ANAPC7: variants seen among roughly 807,000 people sequenced by gnomAD.
ANAPC7 encodes anaphase promoting complex subunit 7, also known as anaphase-promoting complex subunit 7.
A neutral mutation model predicts 63.3 loss-of-function variants in ANAPC7; 25 were observed. That is an observed-to-expected ratio of 0.39 (90% confidence interval 0.29 to 0.55). The LOEUF is 0.55. Among genes scored for constraint, ANAPC7 ranks in the 20% least tolerant of loss-of-function variants. The pLI is 0.57. For missense variants in ANAPC7, 516 were observed against 691.7 expected (o/e 0.75, Z 2.85); for synonymous variants, 241 against 251.7 (o/e 0.96, Z 0.40).
intron 3 of ANAPC7, among the ~76,000 whole-genome samples, chr12:110,394,669 C>CAA (rs779142936): frequency 0.099 from 4,227 of 42,744 alleles, 659 homozygotes; most frequent in Middle Eastern, 0.11. Flanking sequence ...AATTCCACCT[C>CAA]AAAAAAAAAA....
At chr12:110,398,553 G>A (rs990725613) in intron 1 of ANAPC7, among the ~76,000 whole-genome samples, 9 of 152,188 alleles carry the variant, frequency 5.9e-5, no homozygotes, top group Middle Eastern at 3.2e-3. Flanking sequence ...AATTATAACT[G>A]CCTAGAAGTT....
chr12:110,388,657 G>T, intron 3 of ANAPC7, 34 bp from the exon 4 acceptor site: 1 of 1,454,934 alleles, frequency 6.9e-7, no homozygotes, highest in Non-Finnish European at 9.6e-7. Flanking sequence ...AGCAAAATAA[G>T]CGTATATTGC....
In ANAPC7 at chr12:110,381,953, A is replaced by AC; in HGVS notation, c.936-6_936-5insG. The AC allele has an allele frequency of 6.7e-6, 4 of 599,082 alleles. No individual in the cohort carries two copies. Among genetic ancestry groups the AC allele is most frequent in the Non-Finnish European group, 9.6e-6 (4 of 417,260 alleles). 37.1% of individuals were successfully genotyped at this position (599,082 alleles called of 1,614,324 possible). Reference sequence around the variant, plus strand: ...TTGCTATAGAAGCTGTGACAGCTGGAGAAAAAAAAAAAAAAAAAAACACAA... The same window carrying AC: ...TTGCTATAGAAGCTGTGACAGCTGGACGAAAAAAAAAAAAAAAAAAACACAA... On this transcript the variant is annotated splice_polypyrimidine_tract_variant and splice_region_variant and intron_variant, in intron 7 of 10. Transcript: ENST00000455511.
At chr12:110,394,303 C>A (rs1883367084) in intron 3 of ANAPC7, among the ~76,000 whole-genome samples, 2 of 151,848 alleles carry the variant, frequency 1.3e-5, no homozygotes, top group African/African-American at 4.8e-5. Context: ...CCAACCTGGG[C>A]AACACAGTGG....
intron 8 of ANAPC7, among the ~76,000 whole-genome samples, chr12:110,381,528 G>A (rs1881845654): frequency 6.6e-6 from 1 of 151,980 alleles, no homozygotes; most frequent in African/African-American, 2.4e-5. Context: ...GTAGAGACGG[G>A]GTTTCACCAC....
At chr12:110,377,320 A>C in intron 9 of ANAPC7, 73 bp downstream of exon 9, 1 of 1,323,624 alleles carries the variant, frequency 7.6e-7, no homozygotes, top group South Asian at 1.3e-5. Flanking sequence ...ACTAGCTGGG[A>C]CAAGGGGCTC....
At chr12:110,396,684 T>TG (rs1555292381) in intron 1 of ANAPC7, among the ~76,000 whole-genome samples, 1 of 14,654 alleles carries the variant, frequency 6.8e-5, no homozygotes, top group Admixed American at 5.9e-4. Context: ...CTAATTTTTG[T>TG]TTTTTTTTTT....
At position 110,383,774 on chromosome 12, in the gene ANAPC7, G is replaced by C. The variant is rs533630733; in HGVS notation, c.818-814C>G. Among the ~76,000 whole-genome samples, 111 of 150,650 alleles carry C rather than the reference G, an allele frequency of 7.4e-4. 1 individual carries two copies. Among genetic ancestry groups the C allele is most frequent in the Admixed American group, 7.1e-3 (106 of 14,958 alleles). Reference sequence around the variant, plus strand: ...GCCTGTAATCCCAGCTACTCAGGAGGCTGAGGCAGGAGAATCGCTTGAATC... The same window carrying C: ...GCCTGTAATCCCAGCTACTCAGGAGCCTGAGGCAGGAGAATCGCTTGAATC... On this transcript the variant is annotated intron_variant, in intron 6 of 10. Coordinates refer to ENST00000455511, the MANE Select transcript of ANAPC7 (RefSeq NM_016238.3).
At position 110,383,875 on chromosome 12, in the gene ANAPC7, C is replaced by CAAAAAAAAAAAAAAAAAAAAAA. The variant is rs1159374781; in HGVS notation, c.818-937_818-916dup. ...TTGGCTACAGAGCGAGACTCCGTCT[C>CAAAAAAAAAAAAAAAAAAAAAA]AAAAAAAAAAAAAAAAAAAAAAAGA... On this transcript the variant is annotated intron_variant, in intron 6 of 10. Transcript: ENST00000455511. Among the ~76,000 whole-genome samples, 120 of 50,512 alleles carry CAAAAAAAAAAAAAAAAAAAAAA rather than the reference C, an allele frequency of 2.4e-3. 1 individual carries two copies. The highest frequency in any genetic ancestry group is 2.8e-3 in the Admixed American group (9 of 3,226). The allele number at this position is 50,512 out of a possible 152,430, so 33.1% of individuals were successfully genotyped here. A position where few individuals can be genotyped will look rare whatever the true frequency, so the allele number is the denominator to read the frequency against.
intron 3 of ANAPC7, 103 bp downstream of exon 3, chr12:110,394,998 T>C: frequency 7.4e-7 from 1 of 1,350,584 alleles, no homozygotes; most frequent in Non-Finnish European, 1.0e-6. Flanking sequence ...ATTAGAATCA[T>C]GGGTAAAATG....
intron 7 of ANAPC7, among the ~76,000 whole-genome samples, chr12:110,382,267 C>T (rs915670324): frequency 6.6e-6 from 1 of 150,672 alleles, no homozygotes; most frequent in African/African-American, 2.4e-5. Context: ...CATCTTCTGG[C>T]CCCATCACTG....
Position 110,376,180 on chromosome 12 carries a change from A to G in ANAPC7, c.1394T>C (p.Leu465Pro), listed in dbSNP as rs779616373. 1 of 1,614,210 alleles carries G rather than the reference A, an allele frequency of 6.2e-7. No homozygotes were observed. Among genetic ancestry groups the G allele is most frequent in the East Asian group, 2.2e-5 (1 of 44,888 alleles). ...ACTCTGATTAGCCAGTGCGTTCCTC[A>G]GCAAAGCAATTCCATCTTCATATTT... is the stretch of plus-strand genomic sequence containing the variant. ...EQKYEDGIAL[L>P]RNALANQSDC... The change falls in exon 10 of 11, where the codon CTG becomes CCG. Residue 465 changes from leucine (L) to proline (P), a missense_variant. Coordinates refer to ENST00000455511, the MANE Select transcript of ANAPC7 (RefSeq NM_016238.3).
In ANAPC7 at chr12:110,377,749, G is replaced by A; in HGVS notation, c.1133-132C>T. On this transcript the variant is annotated intron_variant, in intron 8 of 10. Transcript: ENST00000455511. ...GGGCAGGCCACGGGAAACTGATGGT[G>A]AGATTAGACTGGCAAGAGTGTTGAT... is the stretch of plus-strand genomic sequence containing the variant. 3 of 1,501,990 alleles carry A rather than the reference G, an allele frequency of 2.0e-6. No individual in the cohort carries two copies. In the Admixed American group the frequency reaches 6.4e-5, roughly 32 times the overall value. 93.0% of individuals were successfully genotyped at this position (1,501,990 alleles called of 1,614,324 possible). A position where few individuals can be genotyped will look rare whatever the true frequency, so the allele number is the denominator to read the frequency against.
intron 1 of ANAPC7, among the ~76,000 whole-genome samples, chr12:110,398,747 C>T (rs1265035046): frequency 6.6e-5 from 10 of 152,038 alleles, no homozygotes; most frequent in Admixed American, 5.9e-4. Flanking sequence ...CACCTAAGTT[C>T]AGGACCTGAC....
rs770939172 is a variant in ANAPC7 at position 110,403,699 on chromosome 12, A to T, written c.-72T>A. ...AGCCGGTAGAGGATCCTTAGGGAAG[A>T]CTCCAAAATGGCGGCGTCGCCGGGG... On this transcript the variant is annotated 5_prime_UTR_variant, in exon 1 of 11. Transcript: ENST00000455511. 7.6e-5 allele frequency: 118 copies of T among 1,551,872 alleles called. No individual in the cohort carries two copies. The highest frequency in any genetic ancestry group is 1.0e-4 in the Non-Finnish European group (115 of 1,147,446).
chr12:110,379,800 G>A (rs1881645918), intron 8 of ANAPC7, among the ~76,000 whole-genome samples: 1 of 152,194 alleles, frequency 6.6e-6, no homozygotes, highest in African/African-American at 2.4e-5. Flanking sequence ...TGGAGGAACT[G>A]CATCTTGTAA....
chr12:110,398,323 G>A (rs2062173574), intron 1 of ANAPC7, among the ~76,000 whole-genome samples: 2 of 152,024 alleles, frequency 1.3e-5, no homozygotes, highest in Non-Finnish European at 2.9e-5. Flanking sequence ...GGCTAAGACA[G>A]GACAATCGCT....
chr12:110,403,044 G>A (rs1034036351), intron 1 of ANAPC7, among the ~76,000 whole-genome samples: 1 of 152,124 alleles, frequency 6.6e-6, no homozygotes, highest in Non-Finnish European at 1.5e-5. Context: ...GCCCGGCCCC[G>A]TTTTCAGGGG....
chr12:110,387,214 G>GGAGAGAGAGA (rs143586209), intron 5 of ANAPC7: 7 of 57,792 alleles, frequency 1.2e-4, no homozygotes, highest in Middle Eastern at 0.012. Flanking sequence ...CTCTAGCCTG[G>GGAGAGAGAGA]GAGAGAGAGA....
Sources: gnomAD v4.1 joint callset for allele counts (sites outside exome capture counted in the v4.1 genomes callset) on GRCh38, gnomAD v4.1.1 for gene constraint, MANE v1.5 for transcripts, NCBI Gene and HGNC (gene_info 2026-07-23, HGNC 2026-07-21) for gene names.